The following GPC5 variants were observed in gnomAD, a reference collection of about 807,000 sequenced individuals.
GPC5 encodes glypican-5.
In GPC5, 47 loss-of-function variants were observed where a neutral mutation model predicts 53.9. That is an observed-to-expected ratio of 0.87 (90% CI 0.69 to 1.11). The LOEUF (loss-of-function observed/expected upper bound fraction) is 1.11, where lower values mean the gene tolerates loss of function less well. Among genes scored for constraint, GPC5 ranks in the 50% most tolerant of loss-of-function variants. The pLI is 0.00. For missense variants in GPC5, 748 were observed against 713.1 expected, an observed-to-expected ratio of 1.05 and a Z score of -0.56; for synonymous variants, 286 against 263.3, an observed-to-expected ratio of 1.09 and a Z score of -0.84.
intron 2 of GPC5, among the ~76,000 whole-genome samples, chr13:91,687,030 A>G (rs428487): frequency 1 from 151,465 of 152,028 alleles, 75,456 homozygotes; most frequent in Middle Eastern, 1. Flanking sequence ...TCAAATTGTA[A>G]TTGAAATTTC....
intron 7 of GPC5, among the ~76,000 whole-genome samples, chr13:92,216,005 C>G (rs1425565665): frequency 6.6e-6 from 1 of 152,120 alleles, no homozygotes; most frequent in African/African-American, 2.4e-5. Context: ...GATGCCCTTC[C>G]TCCCAGAAGG....
chr13:92,005,433 C>G (rs540476374), intron 6 of GPC5, among the ~76,000 whole-genome samples: 5 of 152,246 alleles, frequency 3.3e-5, no homozygotes, highest in Middle Eastern at 6.8e-3. Flanking sequence ...GGTTAGGGCC[C>G]TCAGCTTCAG....
intron 5 of GPC5, among the ~76,000 whole-genome samples, chr13:91,881,766 A>G (rs900367194): frequency 2.0e-4 from 31 of 152,194 alleles, no homozygotes; most frequent in Admixed American, 7.9e-4. Context: ...GAATAATTCT[A>G]AGGTAGCCCC....
intron 3 of GPC5, among the ~76,000 whole-genome samples, chr13:91,698,639 A>T (rs891635294): frequency 2.0e-5 from 3 of 152,224 alleles, no homozygotes; most frequent in African/African-American, 7.2e-5. Flanking sequence ...GTAGGGAAGA[A>T]TTCTCAAAAT....
chr13:91,456,890 G>A (rs1041838624), intron 2 of GPC5, among the ~76,000 whole-genome samples: 1 of 151,068 alleles, frequency 6.6e-6, no homozygotes, highest in Non-Finnish European at 1.5e-5. Flanking sequence ...ACGTGTCATG[G>A]AATTATTATT....
chr13:92,381,952 A>G (rs2043751023), intron 7 of GPC5, among the ~76,000 whole-genome samples: 1 of 88,598 alleles, frequency 1.1e-5, no homozygotes, highest in Admixed American at 1.2e-4. Flanking sequence ...AATAATATCT[A>G]TGTATGTATG....
At chr13:91,655,337 A>G (rs1050855728) in intron 2 of GPC5, among the ~76,000 whole-genome samples, 2 of 152,112 alleles carry the variant, frequency 1.3e-5, no homozygotes, top group Non-Finnish European at 2.9e-5. Flanking sequence ...AAATTTGTGA[A>G]CAATCTTAAT....
At chr13:92,082,959 C>A (rs548588674) in intron 6 of GPC5, among the ~76,000 whole-genome samples, 3 of 152,022 alleles carry the variant, frequency 2.0e-5, no homozygotes, top group Non-Finnish European at 2.9e-5. Context: ...ATTTTTCATA[C>A]GTATTCTGAA....
At chr13:92,650,263 A>G (rs1885910353) in intron 7 of GPC5, among the ~76,000 whole-genome samples, 2 of 152,250 alleles carry the variant, frequency 1.3e-5, no homozygotes, top group South Asian at 4.1e-4. Flanking sequence ...CGCTTTCAGG[A>G]TAACAAGTGA....
At chr13:92,385,501 CAT>C (rs1191459075) in intron 7 of GPC5, among the ~76,000 whole-genome samples, 3 of 121,972 alleles carry the variant, frequency 2.5e-5, no homozygotes, top group African/African-American at 1.0e-4. Context: ...TATATACATA[CAT>C]ATACATATAT....
chr13:91,802,645 T>A (rs754261781), intron 5 of GPC5, among the ~76,000 whole-genome samples: 2 of 152,142 alleles, frequency 1.3e-5, no homozygotes, highest in African/African-American at 4.8e-5. Context: ...AGAGTGCTGA[T>A]TGGTGTGTTT....
chr13:92,626,859 C>A (rs1434364320), intron 7 of GPC5, among the ~76,000 whole-genome samples: 1 of 152,058 alleles, frequency 6.6e-6, no homozygotes, highest in Non-Finnish European at 1.5e-5. Context: ...ATAGAATTTT[C>A]AGTATATAAT....
At chr13:92,743,136 C>T (rs1378660889) in intron 7 of GPC5, among the ~76,000 whole-genome samples, 1 of 151,740 alleles carries the variant, frequency 6.6e-6, no homozygotes, top group African/African-American at 2.4e-5. Context: ...TCATTGCTAG[C>T]TTGATAGGGA....
intron 7 of GPC5, among the ~76,000 whole-genome samples, chr13:92,419,665 T>C (rs1039753195): frequency 9.9e-5 from 15 of 152,232 alleles, no homozygotes; most frequent in African/African-American, 3.6e-4. Flanking sequence ...AAATGGTTTC[T>C]AGACTAGCAT....
chr13:91,588,492 G>A (rs1419600342), intron 2 of GPC5, among the ~76,000 whole-genome samples: 1 of 152,096 alleles, frequency 6.6e-6, no homozygotes, highest in Non-Finnish European at 1.5e-5. Flanking sequence ...TGGAGGATTA[G>A]AGGAGATAAT....
intron 3 of GPC5, among the ~76,000 whole-genome samples, chr13:91,718,655 C>T (rs902888233): frequency 2.0e-5 from 3 of 152,124 alleles, no homozygotes; most frequent in African/African-American, 4.8e-5. Flanking sequence ...CAAGCTTTCC[C>T]GAGTATAACC....
intron 3 of GPC5, among the ~76,000 whole-genome samples, chr13:91,720,110 C>G (rs1235583140): frequency 2.0e-5 from 3 of 152,058 alleles, no homozygotes; most frequent in Admixed American, 2.0e-4. Context: ...TACTGTCCCC[C>G]CAAAAAACAA....
chr13:91,479,865 G>A (rs774616063), intron 2 of GPC5, among the ~76,000 whole-genome samples: 7 of 151,892 alleles, frequency 4.6e-5, no homozygotes, highest in East Asian at 1.9e-4. Context: ...ATTATTTTCC[G>A]TGGCACTTAA....
intron 7 of GPC5, among the ~76,000 whole-genome samples, chr13:92,261,792 A>T (rs186100462): frequency 1.1e-4 from 16 of 152,286 alleles, no homozygotes; most frequent in Admixed American, 9.2e-4. Context: ...GAACAAAAGG[A>T]TCATTAACAA....
Sources: allele counts gnomAD v4.1 joint callset (sites outside exome capture counted in the v4.1 genomes callset), GRCh38; gene constraint gnomAD v4.1.1; transcripts MANE v1.5; gene names NCBI Gene and HGNC (gene_info 2026-07-23, HGNC 2026-07-21).